Variants in NIBAN1 observed in about 807,000 individuals in gnomAD.
The protein encoded by NIBAN1 is niban apoptosis regulator 1.
Under a neutral mutation model 75.1 loss-of-function variants are expected in NIBAN1, and 81 were observed. That is an observed-to-expected ratio of 1.08 (90% CI 0.90 to 1.30). NIBAN1 has a LOEUF of 1.30. NIBAN1 is among the 50% of genes most tolerant of loss of function. NIBAN1 has a pLI of 0.00. For missense variants in NIBAN1, 1,133 were observed against 1,128.1 expected, an observed-to-expected ratio of 1.00 and a Z score of -0.06; for synonymous variants, 436 against 424.8, an observed-to-expected ratio of 1.03 and a Z score of -0.32.
intron 1 of NIBAN1, among the ~76,000 whole-genome samples, chr1:184,941,332 T>G (rs1031715454): frequency 3.3e-5 from 5 of 152,140 alleles, no homozygotes; most frequent in African/African-American, 1.2e-4. Flanking sequence ...GTTAAACACC[T>G]AAAATGTCAA....
intron 5 of NIBAN1, among the ~76,000 whole-genome samples, chr1:184,838,642 T>C: frequency 1.3e-5 from 2 of 152,054 alleles, no homozygotes; most frequent in Middle Eastern, 3.2e-3. Flanking sequence ...TTGGGGACAG[T>C]TATTCATGGG....
intron 5 of NIBAN1, among the ~76,000 whole-genome samples, chr1:184,884,279 A>G (rs1389958120): frequency 1.5e-5 from 2 of 129,134 alleles, no homozygotes; most frequent in African/African-American, 6.1e-5. Context: ...GCTGGAGTGC[A>G]GTGGCGCGAT....
chr1:184,796,110 A>G lies in NIBAN1; in HGVS notation c.1667-13T>C. On this transcript the variant is annotated splice_polypyrimidine_tract_variant and intron_variant, in intron 13 of 13. Coordinates refer to ENST00000367511, the MANE Select transcript of NIBAN1 (RefSeq NM_052966.4). ...GCTTCCTTTATCACTGAGAGATATCAGAAAACAAAACATGATTTTCTGATT... is the reference window on the plus strand; with the variant it reads ...GCTTCCTTTATCACTGAGAGATATCGGAAAACAAAACATGATTTTCTGATT... 6 of 1,492,820 alleles carry G rather than the reference A, an allele frequency of 4.0e-6. No individual in the cohort carries two copies. Among genetic ancestry groups the G allele is most frequent in the Non-Finnish European group, 5.3e-6 (6 of 1,126,828 alleles). The allele number at this position is 1,492,820 out of a possible 1,614,324, so 92.5% of individuals were successfully genotyped here. A position where few individuals can be genotyped will look rare whatever the true frequency, so the allele number is the denominator to read the frequency against.
rs193083612 is a variant in NIBAN1, at chr1:184,884,273, G to T, written c.601+360C>A. ...GAGTCTTGCACTGTCATCTGGGCTG[G>T]AGTGCAGTGGCGCGATCTCGGCTCA... is the stretch of plus-strand genomic sequence containing the variant. On this transcript the variant is annotated intron_variant, in intron 5 of 13. Coordinates refer to ENST00000367511, the MANE Select transcript of NIBAN1 (RefSeq NM_052966.4). Among the ~76,000 whole-genome samples, 903 of 142,582 alleles carry T rather than the reference G, an allele frequency of 6.3e-3. 6 individuals carry two copies. Among genetic ancestry groups the T allele is most frequent in the South Asian group, 0.019 (84 of 4,442 alleles). 93.5% of individuals were successfully genotyped at this position (142,582 alleles called of 152,430 possible).
chr1:184,960,623 A>ATGTTGT (rs59022150), intron 1 of NIBAN1, among the ~76,000 whole-genome samples: 7,102 of 150,018 alleles, frequency 0.047, 547 homozygotes, highest in African/African-American at 0.16. Flanking sequence ...CAACAACAAA[A>ATGTTGT]TGTTGTTGTT....
chr1:184,798,466 C>T (rs146001097), intron 12 of NIBAN1, among the ~76,000 whole-genome samples: 1 of 152,284 alleles, frequency 6.6e-6, no homozygotes, highest in East Asian at 1.9e-4. Flanking sequence ...GTTCCTTTCC[C>T]TTTCCTTGTA....
intron 1 of NIBAN1, among the ~76,000 whole-genome samples, chr1:184,950,695 G>T (rs372153464): frequency 2.0e-5 from 3 of 152,154 alleles, no homozygotes; most frequent in Non-Finnish European, 4.4e-5. Context: ...TTTCGATTAG[G>T]TTATGCTAGA....
At chr1:184,886,986 T>C (rs1557900972) in intron 4 of NIBAN1, among the ~76,000 whole-genome samples, 2 of 152,058 alleles carry the variant, frequency 1.3e-5, no homozygotes, top group Admixed American at 6.5e-5. Flanking sequence ...CCGGGAGTGG[T>C]GGCATGCACC....
chr1:184,902,355 G>A (rs1656976531), intron 1 of NIBAN1, among the ~76,000 whole-genome samples: 1 of 152,114 alleles, frequency 6.6e-6, no homozygotes, highest in Admixed American at 6.6e-5. Flanking sequence ...ACTTCTTTCT[G>A]CTCACATGTT....
rs118172496 is a variant in NIBAN1, at chr1:184,880,040, C to T, written c.601+4593G>A. On this transcript the variant is annotated intron_variant, in intron 5 of 13. Coordinates refer to ENST00000367511, the MANE Select transcript of NIBAN1 (RefSeq NM_052966.4). ...GTCCTCTCTTTCTTTGTGTTCATGACGATGTGAACACTGGCATCTGTTTAG... is the reference window on the plus strand; with the variant it reads ...GTCCTCTCTTTCTTTGTGTTCATGATGATGTGAACACTGGCATCTGTTTAG... 3.4e-3 allele frequency among the ~76,000 whole-genome samples: 515 copies of T among 152,308 alleles called. 8 individuals carry two copies. In the East Asian group the frequency reaches 0.038, roughly 11 times the overall value.
intron 5 of NIBAN1, among the ~76,000 whole-genome samples, chr1:184,854,956 A>G (rs1655635336): frequency 1.3e-5 from 2 of 152,224 alleles, no homozygotes; most frequent in Admixed American, 1.3e-4. Flanking sequence ...TGTGTCAGAA[A>G]TGTCAAAGCT....
At chr1:184,944,147 G>T (rs1238029504) in intron 1 of NIBAN1, among the ~76,000 whole-genome samples, 3 of 152,182 alleles carry the variant, frequency 2.0e-5, no homozygotes, top group Admixed American at 1.3e-4. Flanking sequence ...GCTGCCCTGG[G>T]AGGTAGAGGA....
chr1:184,806,726 C>T (rs1395075506), intron 10 of NIBAN1, among the ~76,000 whole-genome samples: 2 of 151,588 alleles, frequency 1.3e-5, no homozygotes, highest in African/African-American at 4.8e-5. Context: ...CTCCTTTCTT[C>T]CCCAAGCCCG....
At chr1:184,798,931 A>C (rs148515872) in intron 12 of NIBAN1, among the ~76,000 whole-genome samples, 3 of 152,104 alleles carry the variant, frequency 2.0e-5, no homozygotes, top group Non-Finnish European at 4.4e-5. Context: ...TTTTATTGTT[A>C]AGTAGTATTC....
intron 2 of NIBAN1, among the ~76,000 whole-genome samples, chr1:184,895,384 G>C (rs963351611): frequency 1.3e-4 from 20 of 152,030 alleles, no homozygotes; most frequent in African/African-American, 4.8e-4. Flanking sequence ...AGAATCTCTG[G>C]AGCTGTGGGC....
At chr1:184,942,604 G>A (rs1658119102) in intron 1 of NIBAN1, among the ~76,000 whole-genome samples, 1 of 149,432 alleles carries the variant, frequency 6.7e-6, no homozygotes, top group Non-Finnish European at 1.5e-5. Flanking sequence ...TGAGGCAGGA[G>A]AATGGCGTGA....
At chr1:184,974,214 G>T in intron 1 of NIBAN1, 88 bp downstream of exon 1, 2 of 1,326,130 alleles carry the variant, frequency 1.5e-6, no homozygotes, top group Non-Finnish European at 1.9e-6. Context: ...GAGAGGGCCC[G>T]GGGCGCGCCC....
intron 3 of NIBAN1, among the ~76,000 whole-genome samples, chr1:184,891,698 T>A (rs1287278530): frequency 1.3e-5 from 2 of 152,150 alleles, no homozygotes; most frequent in African/African-American, 2.4e-5. Flanking sequence ...AAATAGAAAC[T>A]GATTATCAAG....
chr1:184,796,212 A>G (rs1385660122), intron 13 of NIBAN1, 115 bp from the exon 14 acceptor site: 5 of 1,134,712 alleles, frequency 4.4e-6, no homozygotes, highest in Non-Finnish European at 4.8e-6. Context: ...GCTTACATCC[A>G]GGGAGCCTTC....
Sources: gnomAD v4.1 joint callset for allele counts (sites outside exome capture counted in the v4.1 genomes callset) on GRCh38, gnomAD v4.1.1 for gene constraint, MANE v1.5 for transcripts, NCBI Gene and HGNC (gene_info 2026-07-23, HGNC 2026-07-21) for gene names.